Variants in CEP192 observed in about 807,000 individuals in gnomAD.
CEP192 encodes centrosomal protein 192.
A neutral mutation model predicts 271.8 loss-of-function variants in CEP192; 151 were observed. That is an observed-to-expected ratio of 0.56 (90% confidence interval 0.49 to 0.64). The LOEUF is 0.64. Ranked by LOEUF, CEP192 falls within the 30% of genes least tolerant of loss-of-function variation. The probability of loss-of-function intolerance (pLI) is 0.00; values close to 1 mark genes in which losing one functional copy is unlikely to be tolerated. For missense variants in CEP192, 2,910 were observed against 3,020.5 expected (o/e 0.96, Z 0.86); for synonymous variants, 995 against 1,076.5 (o/e 0.92, Z 1.48).
intron 19 of CEP192, among the ~76,000 whole-genome samples, chr18:13,057,221 C>T (rs1445618057): frequency 6.7e-6 from 1 of 149,010 alleles, no homozygotes; most frequent in Non-Finnish European, 1.5e-5. Flanking sequence ...GTGTCCACAT[C>T]TGGAAAGTTA....
rs202146686 is a variant in CEP192 at position 13,056,421 on chromosome 18, G to A, written c.3831G>A (p.Leu1277=). Residue 1277 remains leucine (L), a synonymous_variant, in exon 19 of 45, where the codon TTG becomes TTA. Transcript: ENST00000506447. ...GTLPSTGSTT[L]PQCHAGNATV... is the part of the protein sequence containing the mutation. ...TCCCTTCAACTGGAAGCACCACCTT[G>A]CCTCAGTGCCATGCTGGCAATGCCA... 1.9e-6 allele frequency: 3 copies of A among 1,614,234 alleles called. No homozygotes were observed. The highest frequency in any genetic ancestry group is 2.5e-6 in the Non-Finnish European group (3 of 1,180,052).
chr18:13,019,821 CT>C (rs796634795), intron 9 of CEP192, among the ~76,000 whole-genome samples: 104 of 145,662 alleles, frequency 7.1e-4, no homozygotes, highest in Middle Eastern at 3.5e-3. Context: ...CTATCTTAAT[CT>C]TTTTTTTTTT....
Position 13,048,960 on chromosome 18 carries a change from A to C in CEP192, c.2169A>C (p.Ala723=). Residue 723 remains alanine, a synonymous_variant, in exon 16 of 45, where the codon GCA becomes GCC. Transcript: ENST00000506447. ...TCAGCACCATTGCTTCAGCCATTGC[A>C]GAGGCATCAGTTAATACTGATCCTT... The part of the protein sequence containing the change: ...LRISTIASAI[A]EASVNTDPSQ... 6.2e-7 allele frequency: 1 copy of C among 1,613,878 alleles called. No individual in the cohort carries two copies. Among genetic ancestry groups the C allele is most frequent in the Non-Finnish European group, 8.5e-7 (1 of 1,179,728 alleles).
chr18:13,000,378 T>C (rs916868526), intron 2 of CEP192: 1 of 152,212 alleles, frequency 6.6e-6, no homozygotes, highest in Admixed American at 6.5e-5. Context: ...AGGAGACTAC[T>C]GAACTGTCTC....
chr18:13,086,534 G>T (rs975493602), intron 30 of CEP192, among the ~76,000 whole-genome samples: 3 of 152,122 alleles, frequency 2.0e-5, no homozygotes, highest in Admixed American at 1.3e-4. Context: ...ACCAGTCCCA[G>T]TGAGATGAGC....
At chr18:13,073,868 G>A (rs2038138047) in intron 30 of CEP192, among the ~76,000 whole-genome samples, 1 of 152,114 alleles carries the variant, frequency 6.6e-6, no homozygotes, top group Non-Finnish European at 1.5e-5. Flanking sequence ...ATTTGCGGGG[G>A]GACATCACCG....
chr18:13,058,990 A>C, intron 20 of CEP192, 92 bp from the exon 21 acceptor site: 1 of 805,658 alleles, frequency 1.2e-6, no homozygotes, highest in Non-Finnish European at 2.1e-6. Flanking sequence ...TGGCAGTTTG[A>C]GTGATTGGGA....
intron 9 of CEP192, among the ~76,000 whole-genome samples, chr18:13,021,575 A>AT (rs1483717981): frequency 1.7e-4 from 26 of 152,096 alleles, no homozygotes; most frequent in Non-Finnish European, 4.4e-5. Flanking sequence ...CTTTTTCAAG[A>AT]TTTTTTTGGC....
At chr18:13,030,394 A>G in intron 10 of CEP192, 71 bp from the exon 11 acceptor site, 2 of 1,359,970 alleles carry the variant, frequency 1.5e-6, no homozygotes, top group Non-Finnish European at 2.0e-6. Context: ...GAATTTAAAA[A>G]AAATTGAGAA....
chr18:12,999,311 A>T (rs1167153543), intron 1 of CEP192, 110 bp from the exon 2 acceptor site: 1 of 875,016 alleles, frequency 1.1e-6, no homozygotes, highest in African/African-American at 1.7e-5. Context: ...CTAATGCTAA[A>T]AAAAGGATTT....
chr18:13,057,257 G>GTT lies in CEP192; in HGVS notation c.4109-318_4109-317dup, dbSNP rs67570900. Among the ~76,000 whole-genome samples, 580 of 147,752 alleles carry GTT rather than the reference G, an allele frequency of 3.9e-3. 3 individuals are homozygous for GTT. The highest frequency in any genetic ancestry group is 0.014 in the Middle Eastern group (4 of 286). ...AAGCCTCTGGAGGTTTTTTTTGTTT[G>GTT]TTTTTTTTTTTAGGATAAGAATGAC... On this transcript the variant is annotated intron_variant, in intron 19 of 44. Transcript: ENST00000506447.
chr18:12,996,706 G>A (rs2033267718), intron 1 of CEP192, among the ~76,000 whole-genome samples: 1 of 152,152 alleles, frequency 6.6e-6, no homozygotes, highest in Non-Finnish European at 1.5e-5. Context: ...AGGAGAACCA[G>A]ACAGCTGTGT....
chr18:13,050,218 A>C (rs979657546), intron 17 of CEP192, among the ~76,000 whole-genome samples: 1 of 152,196 alleles, frequency 6.6e-6, no homozygotes, highest in Non-Finnish European at 1.5e-5. Flanking sequence ...TGGGATGAAT[A>C]ACTTTGTTCA....
rs773398259 is a variant in CEP192 at position 13,113,680 on chromosome 18, C to T, written c.7142C>T (p.Thr2381Met). 17 of 1,612,384 alleles carry T rather than the reference C, an allele frequency of 1.1e-5. No individual in the cohort carries two copies. In the East Asian group the frequency reaches 1.8e-4, roughly 17 times the overall value. The part of the protein sequence containing the change: ...HPLKEPHMKH[T>M]LRFQLSGQSI... ...CTTAAGGAGCCTCACATGAAACACA[C>T]GTTGAGATTCCAACTCTCTGGACAA... The change falls in exon 41 of 45, where the codon ACG (threonine) becomes ATG (methionine). Residue 2381 changes from threonine to methionine, a missense_variant. Transcript: ENST00000506447.
At chr18:13,068,727 T>C in intron 24 of CEP192, 125 bp from the exon 25 acceptor site, 1 of 908,484 alleles carries the variant, frequency 1.1e-6, no homozygotes, top group Non-Finnish European at 1.7e-6. Flanking sequence ...TTCTTTTAAC[T>C]CTTTAAAAAA....
chr18:13,114,278 G>GT (rs1285579758), intron 42 of CEP192, 27 bp downstream of exon 42: 4 of 1,606,952 alleles, frequency 2.5e-6, no homozygotes, highest in Non-Finnish European at 3.4e-6. Flanking sequence ...ATTCTTATGA[G>GT]TTTTTTCCCA....
At chr18:13,066,610 T>A (rs1363964926) in intron 21 of CEP192, among the ~76,000 whole-genome samples, 1 of 152,208 alleles carries the variant, frequency 6.6e-6, no homozygotes, top group African/African-American at 2.4e-5. Context: ...CCATGTCCCA[T>A]GTGGCCTAGG....
At chr18:13,067,750 G>C (rs922310848) in intron 21 of CEP192, 81 bp from the exon 22 acceptor site, 1 of 1,202,730 alleles carries the variant, frequency 8.3e-7, no homozygotes, top group East Asian at 2.4e-5. Context: ...TTTGTGGCTA[G>C]AAATGGCAGT....
intron 40 of CEP192, among the ~76,000 whole-genome samples, chr18:13,112,654 T>G (rs542450103): frequency 1.4e-4 from 21 of 152,338 alleles, no homozygotes; most frequent in Admixed American, 1.0e-3. Flanking sequence ...TTCCTTCATC[T>G]TCTTAGTGTC....
Sources: gnomAD v4.1 joint callset for allele counts (sites outside exome capture counted in the v4.1 genomes callset) on GRCh38, gnomAD v4.1.1 for gene constraint, MANE v1.5 for transcripts, NCBI Gene and HGNC (gene_info 2026-07-23, HGNC 2026-07-21) for gene names.